Variants in GSK3B observed in about 807,000 individuals in gnomAD.
GSK3B encodes glycogen synthase kinase-3 beta.
In GSK3B, 15 loss-of-function variants were observed where a neutral mutation model predicts 56.4. The ratio of observed to expected loss-of-function variants is 0.27; its 90% CI spans 0.18 to 0.41. The LOEUF (loss-of-function observed/expected upper bound fraction) is 0.41, where lower values mean the gene tolerates loss of function less well. GSK3B is among the 10% of genes least tolerant of loss of function. The pLI is 1.00. For synonymous variants in GSK3B, 181 were observed against 188.9 expected (o/e 0.96, Z 0.34); for missense variants, 300 against 513.4 (o/e 0.58, Z 4.02).
intron 7 of GSK3B, among the ~76,000 whole-genome samples, chr3:119,878,653 T>C (rs1193902688): frequency 6.6e-6 from 1 of 152,220 alleles, no homozygotes; most frequent in East Asian, 1.9e-4. Context: ...CAAAGACTTG[T>C]ATACAAATAT....
intron 9 of GSK3B, among the ~76,000 whole-genome samples, chr3:119,857,056 T>TA (rs2056032656): frequency 6.6e-6 from 1 of 152,182 alleles, no homozygotes. Context: ...ACCACATATA[T>TA]ACCTTAATTT....
At chr3:119,848,345 C>A (rs1286781297) in intron 9 of GSK3B, among the ~76,000 whole-genome samples, 1 of 152,098 alleles carries the variant, frequency 6.6e-6, no homozygotes, top group African/African-American at 2.4e-5. Flanking sequence ...TACAGGAGGA[C>A]ATTATCCTCT....
chr3:119,891,790 C>T (rs1559825242), intron 7 of GSK3B, among the ~76,000 whole-genome samples: 1 of 152,202 alleles, frequency 6.6e-6, no homozygotes, highest in East Asian at 1.9e-4. Flanking sequence ...TAAAAATTAT[C>T]ACACCAATGG....
intron 4 of GSK3B, among the ~76,000 whole-genome samples, chr3:119,917,468 T>C (rs1158515732): frequency 6.6e-6 from 1 of 152,168 alleles, no homozygotes. Flanking sequence ...CATAGTTCTA[T>C]TATTGTACCA....
intron 4 of GSK3B, among the ~76,000 whole-genome samples, chr3:119,916,482 A>G (rs972574227): frequency 1.3e-5 from 2 of 152,222 alleles, no homozygotes; most frequent in South Asian, 2.1e-4. Flanking sequence ...CAAGCCTGCT[A>G]AGATGGGCTT....
rs556855605 is a variant in GSK3B, at chr3:120,094,384, GGGCGGCGGC to G, written c.-959_-951del. 952 of 311,054 alleles carry G rather than the reference GGGCGGCGGC, an allele frequency of 3.1e-3. 5 individuals are homozygous for G. The highest frequency in any genetic ancestry group is 0.018 in the African/African-American group (820 of 45,414). 19.3% of individuals were successfully genotyped at this position (311,054 alleles called of 1,614,324 possible). A position where few individuals can be genotyped will look rare whatever the true frequency, so the allele number is the denominator to read the frequency against. On this transcript the variant is annotated 5_prime_UTR_variant, in exon 1 of 11. Transcript: ENST00000264235. ...CCTTCCTTCCTTTGTCACTTGGCCC[GGGCGGCGGC>G]GGCGGCGGCGGCGGCACAAGCCCGC...
chr3:119,986,337 GATCA>G (rs1481511621), intron 2 of GSK3B, among the ~76,000 whole-genome samples: 2 of 152,084 alleles, frequency 1.3e-5, no homozygotes, highest in African/African-American at 4.8e-5. Context: ...AGACAAATGG[GATCA>G]ATTAAACTGA....
chr3:120,033,248 CT>C (rs2057993132), intron 1 of GSK3B, among the ~76,000 whole-genome samples: 1 of 152,168 alleles, frequency 6.6e-6, no homozygotes, highest in African/African-American at 2.4e-5. Flanking sequence ...CATTCATCAA[CT>C]GATAGATGTT....
At chr3:119,859,872 A>C (rs1244574752) in intron 9 of GSK3B, among the ~76,000 whole-genome samples, 1 of 152,188 alleles carries the variant, frequency 6.6e-6, no homozygotes, top group Non-Finnish European at 1.5e-5. Context: ...TTACTAAATC[A>C]CTGCTTCTTC....
intron 2 of GSK3B, among the ~76,000 whole-genome samples, chr3:119,991,430 T>G (rs1462867350): frequency 6.6e-6 from 1 of 151,666 alleles, no homozygotes; most frequent in East Asian, 1.9e-4. Flanking sequence ...GTACAGTTTA[T>G]GTGACTCCTG....
chr3:119,924,888 A>G lies in GSK3B; in HGVS notation c.367-1405T>C, dbSNP rs76114460. 1.3e-3 allele frequency among the ~76,000 whole-genome samples: 194 copies of G among 152,332 alleles called. No homozygotes were observed. The East Asian group carries it at 0.014, about 11-fold the overall frequency. ...GACTAGATAGCCCACAAAGCCAAAA[A>G]TATCTAAGAAAAAGCTTGTGGTTTT... On this transcript the variant is annotated intron_variant, in intron 3 of 10. Coordinates refer to ENST00000264235, the MANE Select transcript of GSK3B (RefSeq NM_001146156.2).
At chr3:120,092,447 G>A (rs939162884) in intron 1 of GSK3B, among the ~76,000 whole-genome samples, 1 of 152,222 alleles carries the variant, frequency 6.6e-6, no homozygotes, top group African/African-American at 2.4e-5. Flanking sequence ...TAAGGAACCC[G>A]CCAGAACATT....
At chr3:120,041,714 C>A (rs1169895973) in intron 1 of GSK3B, among the ~76,000 whole-genome samples, 1 of 152,166 alleles carries the variant, frequency 6.6e-6, no homozygotes, top group Non-Finnish European at 1.5e-5. Context: ...ATACAAAGGT[C>A]CGGCCAAAGT....
chr3:119,990,842 TGCTTGAAC>T (rs1040876837), intron 2 of GSK3B, among the ~76,000 whole-genome samples: 26 of 152,150 alleles, frequency 1.7e-4, no homozygotes, highest in Non-Finnish European at 4.4e-5. Flanking sequence ...GCAGGAGAAT[TGCTTGAAC>T]CCAGGAGGCG....
At chr3:119,961,664 G>A (rs761364964) in intron 2 of GSK3B, among the ~76,000 whole-genome samples, 3 of 147,242 alleles carry the variant, frequency 2.0e-5, no homozygotes, top group Non-Finnish European at 3.0e-5. Flanking sequence ...AAAAGCACTT[G>A]ACAAAATTCA....
intron 1 of GSK3B, among the ~76,000 whole-genome samples, chr3:120,050,795 A>C (rs2058142203): frequency 6.6e-6 from 1 of 152,224 alleles, no homozygotes; most frequent in Non-Finnish European, 1.5e-5. Flanking sequence ...GATCTGGGTT[A>C]GAGGACTAGA....
At chr3:119,857,849 A>G (rs369179764) in intron 9 of GSK3B, among the ~76,000 whole-genome samples, 1 of 152,224 alleles carries the variant, frequency 6.6e-6, no homozygotes, top group Non-Finnish European at 1.5e-5. Flanking sequence ...AGTAGAAATC[A>G]TTCCTTGATC....
At position 119,889,822 on chromosome 3, in the gene GSK3B, TAGAGTA is replaced by T. The variant is rs140741436; in HGVS notation, c.814-13320_814-13315del. On this transcript the variant is annotated intron_variant, in intron 7 of 10. Transcript: ENST00000264235. ...GAAATGCACTTTAAATTAAAACACA[TAGAGTA>T]AAAGTAAAAGAATGCAAGAAGTTAT... 2.8e-3 allele frequency among the ~76,000 whole-genome samples: 432 copies of T among 151,920 alleles called. 1 individual carries two copies. Among genetic ancestry groups the T allele is most frequent in the Non-Finnish European group, 3.6e-3 (248 of 67,952 alleles).
chr3:120,085,675 G>A (rs1249086033), intron 1 of GSK3B, among the ~76,000 whole-genome samples: 1 of 152,170 alleles, frequency 6.6e-6, no homozygotes, highest in Non-Finnish European at 1.5e-5. Flanking sequence ...GGTGGCATAT[G>A]CCTGTAATCC....
Sources: allele counts gnomAD v4.1 joint callset (sites outside exome capture counted in the v4.1 genomes callset), GRCh38; gene constraint gnomAD v4.1.1; transcripts MANE v1.5; gene names NCBI Gene and HGNC (gene_info 2026-07-23, HGNC 2026-07-21).